RELN: variants seen among roughly 807,000 people sequenced by gnomAD.
The protein encoded by RELN is reelin.
Under a neutral mutation model 427.6 loss-of-function variants are expected in RELN, and 108 were observed. That is an observed-to-expected ratio of 0.25 (90% CI 0.22 to 0.30). The LOEUF is 0.30. Ranked by LOEUF, RELN falls within the 10% of genes least tolerant of loss-of-function variation. The pLI, the probability that RELN is intolerant of heterozygous loss-of-function variation, is 1.00. For synonymous variants in RELN, 1,524 were observed against 1,513.4 expected, an observed-to-expected ratio of 1.01 and a Z score of -0.16; for missense variants, 3,715 against 4,302.8, an observed-to-expected ratio of 0.86 and a Z score of 3.82.
chr7:103,659,204 T>C (rs925313156), intron 12 of RELN, among the ~76,000 whole-genome samples: 21 of 151,988 alleles, frequency 1.4e-4, no homozygotes, highest in African/African-American at 5.1e-4. Context: ...ATATTTCTTT[T>C]CTAAATCTAG....
Position 103,636,355 on chromosome 7 carries a change from G to T in RELN, c.2183C>A (p.Ser728Tyr). The T allele has an allele frequency of 6.2e-7, 1 of 1,613,880 alleles. No individual in the cohort carries two copies. The highest frequency in any genetic ancestry group is 1.6e-4 in the Middle Eastern group (1 of 6,062). Residue 728 changes from serine to tyrosine, a missense_variant, in exon 18 of 65, where the codon TCT becomes TAT. Around this residue, in one of 4 missense-constraint regions of RELN, gnomAD observed 2,208 missense variants for 2,361.7 expected, o/e 0.93. Coordinates refer to ENST00000428762, the MANE Select transcript of RELN (RefSeq NM_005045.4). ...AAAGCTGACTTCAGCACCACGGATA[G>T]AGTAAAAGTTATGGTAAGAGGAGAG... Reference protein sequence around the residue: ...SRLSSYHNFYSIRGAEVSFGC... With the variant: ...SRLSSYHNFYYIRGAEVSFGC...
chr7:103,537,141 A>G (rs1231872473), intron 45 of RELN, among the ~76,000 whole-genome samples: 2 of 152,136 alleles, frequency 1.3e-5, no homozygotes, highest in Non-Finnish European at 2.9e-5. Context: ...GAAAAAACAC[A>G]ATTTAGAAGT....
Position 103,535,366 on chromosome 7 carries a change from G to T in RELN, c.7299C>A (p.Asp2433Glu). The T allele has an allele frequency of 1.2e-6, 2 of 1,614,070 alleles. No individual in the cohort carries two copies. The highest frequency in any genetic ancestry group is 1.7e-6 in the Non-Finnish European group (2 of 1,179,968). ...RYHLQRILVSDTFNKWTRITL... is the reference protein window; with the variant it reads ...RYHLQRILVSETFNKWTRITL... Reference sequence around the variant, plus strand: ...TGATTCTAGTCCACTTGTTGAAAGTGTCTGACACCAGGATCCGTTGCAGAT... The same window carrying T: ...TGATTCTAGTCCACTTGTTGAAAGTTTCTGACACCAGGATCCGTTGCAGAT... The change falls in exon 46 of 65, where the codon GAC becomes GAA. Residue 2433 changes from aspartate (D) to glutamate (E), a missense_variant. By Grantham distance (45) the Asp-to-Glu change is conservative. Around this residue, in one of 4 missense-constraint regions of RELN, gnomAD observed 1,310 missense variants for 1,643.0 expected, o/e 0.80. Transcript: ENST00000428762.
intron 38 of RELN, among the ~76,000 whole-genome samples, chr7:103,554,053 T>G (rs946145054): frequency 6.6e-6 from 1 of 152,056 alleles, no homozygotes; most frequent in African/African-American, 2.4e-5. Context: ...CAGGTGTGTT[T>G]GTGCATGCCT....
intron 2 of RELN, among the ~76,000 whole-genome samples, chr7:103,908,340 A>G (rs17157216): frequency 0.12 from 18,229 of 152,232 alleles, 1,216 homozygotes; most frequent in South Asian, 0.19. Flanking sequence ...TATTTTGAGC[A>G]TATAATATAT....
rs767154559 is a variant in RELN at position 103,515,320 on chromosome 7, C to T, written c.7984G>A (p.Gly2662Ser). Residue 2662 changes from glycine (G) to serine (S), a missense_variant, in exon 50 of 65, where the codon GGC becomes AGC. By Grantham distance (56) the Gly-to-Ser change is moderately conservative. Transcript: ENST00000428762. ...ATAACGGTCCTTTGGTCAGCAGAGC[C>T]TGAGATGAGGACATTGTCAATGGCC... ...DWAIDNVLIS[G>S]SADQRTVMLD... 17 of 1,614,118 alleles carry T rather than the reference C, an allele frequency of 1.1e-5. No homozygotes were observed. In the South Asian group the frequency reaches 1.6e-4, roughly 16 times the overall value.
chr7:103,915,238 T>C (rs1012594333), intron 2 of RELN, among the ~76,000 whole-genome samples: 1 of 152,110 alleles, frequency 6.6e-6, no homozygotes, highest in South Asian at 2.1e-4. Flanking sequence ...TTCATAGCTC[T>C]ACTCAAATAC....
At chr7:103,901,890 T>C (rs1257526939) in intron 2 of RELN, among the ~76,000 whole-genome samples, 1 of 152,062 alleles carries the variant, frequency 6.6e-6, no homozygotes, top group East Asian at 1.9e-4. Flanking sequence ...ATTTTATGTA[T>C]GTGATTTGTG....
chr7:103,778,665 G>C (rs1365727380), intron 3 of RELN, among the ~76,000 whole-genome samples: 1 of 152,134 alleles, frequency 6.6e-6, no homozygotes, highest in Non-Finnish European at 1.5e-5. Context: ...CCATTACTCA[G>C]TTTCCTCAGA....
rs185322698 is a variant in RELN at position 103,503,253 on chromosome 7, C to T, written c.8275-23G>A. Reference sequence around the variant, plus strand: ...GATCTAATAAACAGAAAAACAAGATCAAGGTATTAAAACTATATGATATGA... The same window carrying T: ...GATCTAATAAACAGAAAAACAAGATTAAGGTATTAAAACTATATGATATGA... On this transcript the variant is annotated intron_variant, in intron 51 of 64. Transcript: ENST00000428762. 24 of 1,605,000 alleles carry T rather than the reference C, an allele frequency of 1.5e-5. No individual in the cohort carries two copies. The East Asian group carries it at 4.5e-4, about 30-fold the overall frequency.
intron 2 of RELN, among the ~76,000 whole-genome samples, chr7:103,838,074 T>A (rs1352368963): frequency 6.6e-6 from 1 of 150,966 alleles, no homozygotes; most frequent in African/African-American, 2.4e-5. Context: ...CTGGGTGTGG[T>A]GGTGGGCGCC....
intron 20 of RELN, among the ~76,000 whole-genome samples, chr7:103,625,745 A>G (rs1348213544): frequency 6.7e-6 from 1 of 150,000 alleles, no homozygotes; most frequent in Non-Finnish European, 1.5e-5. Context: ...AAAACCACTC[A>G]GGCTCAAAGA....
intron 8 of RELN, among the ~76,000 whole-genome samples, chr7:103,722,192 A>G (rs1331669432): frequency 6.6e-6 from 1 of 152,224 alleles, no homozygotes; most frequent in Non-Finnish European, 1.5e-5. Context: ...CAGTGATGAA[A>G]AAGTGACAAA....
At position 103,988,473 on chromosome 7, in the gene RELN, A is replaced by G. The variant is rs1797148035; in HGVS notation, c.226+658T>C. On this transcript the variant is annotated intron_variant, in intron 1 of 64. Transcript: ENST00000428762. The surrounding 1 kb of genome is among the most constrained non-coding windows in gnomAD (Gnocchi z 4.9). Reference sequence around the variant, plus strand: ...CACAAAGATAATTCTAACAAGAAGCACCATGTAAAAGTAAGGCAGGAATCA... The same window carrying G: ...CACAAAGATAATTCTAACAAGAAGCGCCATGTAAAAGTAAGGCAGGAATCA... Among the ~76,000 whole-genome samples the G allele has an allele frequency of 6.6e-6, 1 of 152,242 alleles. No homozygotes were observed. The highest frequency in any genetic ancestry group is 6.5e-5 in the Admixed American group (1 of 15,292).
At chr7:103,942,564 G>C (rs756849070) in intron 1 of RELN, among the ~76,000 whole-genome samples, 6 of 152,166 alleles carry the variant, frequency 3.9e-5, no homozygotes, top group African/African-American at 1.4e-4. Flanking sequence ...ATTCCCGGCA[G>C]AATGTGGGAA....
intron 10 of RELN, among the ~76,000 whole-genome samples, chr7:103,686,414 A>AT (rs983503136): frequency 1.3e-5 from 2 of 152,158 alleles, no homozygotes; most frequent in Non-Finnish European, 2.9e-5. Context: ...ACCACAGCCA[A>AT]TTTTTTAATG....
In RELN at chr7:103,862,412, TATCTATCTATCTA is replaced by T. The variant is rs1230389254; in HGVS notation, c.338-28753_338-28741del. ...GTCTCTTCCATTTATGCTTTTGTTC[TATCTATCTATCTA>T]TCTATCTATCTATCTATCTATCTAT... On this transcript the variant is annotated intron_variant, in intron 2 of 64. Transcript: ENST00000428762. Among the ~76,000 whole-genome samples, 141 of 41,438 alleles carry T rather than the reference TATCTATCTATCTA, an allele frequency of 3.4e-3. 1 individual carries two copies. The highest frequency in any genetic ancestry group is 0.017 in the Middle Eastern group (1 of 60). 27.2% of individuals were successfully genotyped at this position (41,438 alleles called of 152,430 possible).
chr7:103,874,532 C>T (rs1794430059), intron 2 of RELN, among the ~76,000 whole-genome samples: 1 of 145,586 alleles, frequency 6.9e-6, no homozygotes. Flanking sequence ...AATCAATGTA[C>T]AAAAATCACA....
At chr7:103,877,042 C>T (rs1584323576) in intron 2 of RELN, among the ~76,000 whole-genome samples, 1 of 152,110 alleles carries the variant, frequency 6.6e-6, no homozygotes, top group Admixed American at 6.6e-5. Flanking sequence ...GGGATATTCC[C>T]CTATGCCCTC....
Sources: allele counts gnomAD v4.1 joint callset (sites outside exome capture counted in the v4.1 genomes callset), GRCh38; gene constraint gnomAD v4.1.1; regional missense constraint gnomAD v4.1.1; non-coding constraint Gnocchi (gnomAD v3.1); transcripts MANE v1.5; gene names NCBI Gene and HGNC (gene_info 2026-07-23, HGNC 2026-07-21).